INVS: variants seen among roughly 807,000 people sequenced by gnomAD.
The protein encoded by INVS is inversion of embryo turning homolog.
A neutral mutation model predicts 108.8 loss-of-function variants in INVS; 86 were observed. That is an observed-to-expected ratio of 0.79 (90% confidence interval 0.66 to 0.95). INVS has a LOEUF of 0.95. Ranked by LOEUF, INVS falls within the 40% of genes least tolerant of loss-of-function variation. INVS has a pLI of 0.00. For synonymous variants in INVS, 455 were observed against 473.5 expected, an observed-to-expected ratio of 0.96 and a Z score of 0.51; for missense variants, 1,169 against 1,297.4, an observed-to-expected ratio of 0.90 and a Z score of 1.52.
At chr9:100,269,111 T>C (rs989489960) in intron 11 of INVS, among the ~76,000 whole-genome samples, 4 of 152,202 alleles carry the variant, frequency 2.6e-5, no homozygotes, top group African/African-American at 9.6e-5. Flanking sequence ...GTAATTGATA[T>C]ATGTGTTGTG....
chr9:100,183,665 C>T (rs1329385923), intron 3 of INVS, among the ~76,000 whole-genome samples: 1 of 151,718 alleles, frequency 6.6e-6, no homozygotes, highest in Non-Finnish European at 1.5e-5. Flanking sequence ...TGGTGATGCG[C>T]CTGTAGTCCC....
chr9:100,273,656 G>A (rs1177928870), intron 12 of INVS, among the ~76,000 whole-genome samples: 1 of 149,796 alleles, frequency 6.7e-6, no homozygotes, highest in Non-Finnish European at 1.5e-5. Flanking sequence ...TCCTGCCTTG[G>A]CCTCCCGAGT....
chr9:100,129,581 G>C, intron 3 of INVS: 2 of 516,590 alleles, frequency 3.9e-6, no homozygotes, highest in Admixed American at 3.2e-5. Context: ...TCATAACTAG[G>C]CATCAATTCT....
At chr9:100,207,966 A>G (rs1830724166) in intron 3 of INVS, among the ~76,000 whole-genome samples, 1 of 150,840 alleles carries the variant, frequency 6.6e-6, no homozygotes, top group South Asian at 2.1e-4. Flanking sequence ...TTGAAAGAAT[A>G]GTTAGATTAC....
At chr9:100,141,972 G>A (rs1333470817) in intron 3 of INVS, among the ~76,000 whole-genome samples, 2 of 152,156 alleles carry the variant, frequency 1.3e-5, no homozygotes, top group African/African-American at 4.8e-5. Flanking sequence ...GTTTCAGTGG[G>A]GGAGTAGGTG....
At chr9:100,107,919 C>A (rs984205699) in intron 2 of INVS, among the ~76,000 whole-genome samples, 3 of 152,078 alleles carry the variant, frequency 2.0e-5, no homozygotes, top group African/African-American at 7.2e-5. Context: ...ATATTTTAAT[C>A]ATTCTTTAAG....
At chr9:100,273,972 C>G (rs981708300) in intron 12 of INVS, among the ~76,000 whole-genome samples, 38 of 152,108 alleles carry the variant, frequency 2.5e-4, no homozygotes, top group African/African-American at 9.2e-4. Flanking sequence ...AAAGCAAAAT[C>G]CCCCCTGCCT....
chr9:100,237,994 T>C (rs983762397), intron 5 of INVS, among the ~76,000 whole-genome samples: 7 of 152,178 alleles, frequency 4.6e-5, no homozygotes, highest in Non-Finnish European at 8.8e-5. Context: ...TTCTCCTGCT[T>C]CATCCTCCTG....
At chr9:100,224,691 A>G (rs372592763) in intron 3 of INVS, among the ~76,000 whole-genome samples, 3 of 151,482 alleles carry the variant, frequency 2.0e-5, no homozygotes, top group South Asian at 2.1e-4. Flanking sequence ...ATCTCTGCTC[A>G]CTGCAACCTC....
chr9:100,180,423 A>T (rs1456568995), intron 3 of INVS, among the ~76,000 whole-genome samples: 1 of 152,062 alleles, frequency 6.6e-6, no homozygotes, highest in African/African-American at 2.4e-5. Context: ...TAAAATAGAC[A>T]CAATAAAAAA....
At chr9:100,241,270 G>T (rs1441607793) in intron 6 of INVS, among the ~76,000 whole-genome samples, 3 of 151,814 alleles carry the variant, frequency 2.0e-5, no homozygotes, top group Non-Finnish European at 4.4e-5. Flanking sequence ...TGGCAAATTT[G>T]TCTCCATGTA....
chr9:100,222,684 C>T lies in INVS; in HGVS notation c.274-3378C>T, dbSNP rs373794340. 2.0e-5 allele frequency among the ~76,000 whole-genome samples: 3 copies of T among 152,194 alleles called. No homozygotes were observed. The East Asian group carries it at 5.8e-4, about 29-fold the overall frequency. On this transcript the variant is annotated intron_variant, in intron 3 of 16. Coordinates refer to ENST00000262457, the MANE Select transcript of INVS (RefSeq NM_014425.5). ...CTTCCCTTTTCCTCTAATTTCCAAT[C>T]GAAATGACTGTCTGATTGAATATCT... is the stretch of plus-strand genomic sequence containing the variant.
intron 2 of INVS, chr9:100,117,690 G>T (rs1588012465): frequency 1.7e-6 from 1 of 583,944 alleles, no homozygotes; most frequent in East Asian, 2.8e-5. Flanking sequence ...ATAGGTTTTA[G>T]ATTTAAGTTT....
At chr9:100,132,077 C>T (rs1828071462) in intron 3 of INVS, 1 of 160,232 alleles carries the variant, frequency 6.2e-6, no homozygotes, top group South Asian at 2.0e-4. Flanking sequence ...CATAACTCAT[C>T]ACCACAGTTT....
At chr9:100,108,480 A>G (rs1210525707) in intron 2 of INVS, among the ~76,000 whole-genome samples, 1 of 152,160 alleles carries the variant, frequency 6.6e-6, no homozygotes, top group East Asian at 1.9e-4. Flanking sequence ...TTTCATCTTA[A>G]ATTTCAATGT....
chr9:100,236,143 C>G (rs1029802074), intron 5 of INVS, among the ~76,000 whole-genome samples: 1 of 152,168 alleles, frequency 6.6e-6, no homozygotes, highest in Non-Finnish European at 1.5e-5. Flanking sequence ...TCCACTTGAT[C>G]GATCCGGCTG....
Position 100,301,176 on chromosome 9 carries a change from CACATAT to C in INVS, c.*503_*508del, listed in dbSNP as rs1309364153. 1.4e-4 allele frequency among the ~76,000 whole-genome samples: 8 copies of C among 57,524 alleles called. No individual in the cohort carries two copies. In the East Asian group the frequency reaches 4.9e-3, roughly 35 times the overall value. The allele number at this position is 57,524 out of a possible 152,430, so 37.7% of individuals were successfully genotyped here. ...ACACACACACACACACACACACACACACATATCACGTCCCACTATTACTTCAAAATT... is the reference window on the plus strand; with the variant it reads ...ACACACACACACACACACACACACACCACGTCCCACTATTACTTCAAAATT... On this transcript the variant is annotated 3_prime_UTR_variant, in exon 17 of 17. Transcript: ENST00000262457.
At chr9:100,234,378 G>C (rs142168888) in intron 5 of INVS, among the ~76,000 whole-genome samples, 19 of 152,156 alleles carry the variant, frequency 1.2e-4, no homozygotes, top group African/African-American at 4.3e-4. Context: ...GTACTGCTCT[G>C]ATCTTAGTTA....
At chr9:100,107,807 C>A (rs569751054) in intron 2 of INVS, among the ~76,000 whole-genome samples, 51 of 152,262 alleles carry the variant, frequency 3.3e-4, no homozygotes, top group African/African-American at 1.1e-3. Context: ...AGCTAGTGGC[C>A]TTCATGAAAG....
Sources: gnomAD v4.1 joint callset for allele counts (sites outside exome capture counted in the v4.1 genomes callset) on GRCh38, gnomAD v4.1.1 for gene constraint, MANE v1.5 for transcripts, NCBI Gene and HGNC (gene_info 2026-07-23, HGNC 2026-07-21) for gene names.